KPNA1: variants seen among roughly 807,000 people sequenced by gnomAD.
The protein encoded by KPNA1 is karyopherin subunit alpha 1, also known as importin subunit alpha-5.
KPNA1 carries 10 observed loss-of-function variants against 70.5 expected under a neutral mutation model. That is an observed-to-expected ratio of 0.14 (90% CI 0.09 to 0.24). KPNA1 has a LOEUF of 0.24. Among genes scored for constraint, KPNA1 ranks in the 10% least tolerant of loss-of-function variants. KPNA1 has a pLI of 1.00. For missense variants in KPNA1, 397 were observed against 637.9 expected (o/e 0.62, Z 4.07); for synonymous variants, 192 against 221.9 (o/e 0.87, Z 1.20).
At chr3:122,452,550 G>GA (rs1167668929) in intron 6 of KPNA1, among the ~76,000 whole-genome samples, 2 of 54,172 alleles carry the variant, frequency 3.7e-5, no homozygotes, top group African/African-American at 7.7e-5. Flanking sequence ...GGGAAGGAGG[G>GA]AGGGAGGGAG....
chr3:122,475,361 AAATG>A (rs1450911304), intron 2 of KPNA1, among the ~76,000 whole-genome samples: 3 of 152,236 alleles, frequency 2.0e-5, no homozygotes, highest in African/African-American at 7.2e-5. Flanking sequence ...AAATTGAAAT[AAATG>A]AATGGAAAGA....
intron 1 of KPNA1, among the ~76,000 whole-genome samples, chr3:122,501,846 T>C (rs2076832852): frequency 6.6e-6 from 1 of 152,200 alleles, no homozygotes; most frequent in African/African-American, 2.4e-5. Context: ...TACTGAATTC[T>C]CTGTTTCTGT....
chr3:122,428,370 T>C (rs2075851449), intron 12 of KPNA1, among the ~76,000 whole-genome samples: 1 of 152,228 alleles, frequency 6.6e-6, no homozygotes, highest in South Asian at 2.1e-4. Context: ...TCCAGTTGCA[T>C]TATGTGAATG....
intron 5 of KPNA1, chr3:122,457,734 A>G (rs2076279502): frequency 7.8e-7 from 1 of 1,288,274 alleles, no homozygotes; most frequent in South Asian, 1.2e-5. Context: ...ACCTCCTATC[A>G]AGTTTCCCAC....
intron 1 of KPNA1, among the ~76,000 whole-genome samples, chr3:122,506,412 T>TG (rs2076891063): frequency 6.6e-6 from 1 of 152,224 alleles, no homozygotes; most frequent in African/African-American, 2.4e-5. Context: ...ATATAAATTA[T>TG]TGATGTTAAC....
At chr3:122,477,351 G>A (rs2076514027) in intron 2 of KPNA1, among the ~76,000 whole-genome samples, 1 of 152,276 alleles carries the variant, frequency 6.6e-6, no homozygotes, top group South Asian at 2.1e-4. Flanking sequence ...GAGATCTATT[G>A]TACAACATGG....
chr3:122,461,353 C>CT, intron 4 of KPNA1, 35 bp from the exon 5 acceptor site: 1 of 1,447,654 alleles, frequency 6.9e-7, no homozygotes, highest in Non-Finnish European at 9.6e-7. Flanking sequence ...AAAAAAAATC[C>CT]TTTGATTTCA....
At chr3:122,496,348 A>ACACACACACACACACC (rs958829617) in intron 2 of KPNA1, 89 bp downstream of exon 2, 7 of 1,193,666 alleles carry the variant, frequency 5.9e-6, no homozygotes, top group African/African-American at 4.6e-5. Flanking sequence ...ACACACACAC[A>ACACACACACACACACC]CCCCAACTTT....
At position 122,423,358 on chromosome 3, in the gene KPNA1, A is replaced by G. The variant is rs1045576967; in HGVS notation, c.*3627T>C. ...GTATATAGGCATACCTGTGTCTGCA[A>G]ATGAGCACATTTTGGAACGTAGGAG... On this transcript the variant is annotated 3_prime_UTR_variant, in exon 14 of 14. Transcript: ENST00000344337. 6.6e-6 allele frequency: 1 copy of G among 152,204 alleles called. No individual in the cohort carries two copies. Among genetic ancestry groups the G allele is most frequent in the African/African-American group, 2.4e-5 (1 of 41,452 alleles). 9.4% of individuals were successfully genotyped at this position (152,204 alleles called of 1,614,324 possible).
chr3:122,467,502 G>C, intron 2 of KPNA1, 73 bp from the exon 3 acceptor site: 4 of 817,548 alleles, frequency 4.9e-6, no homozygotes, highest in Non-Finnish European at 7.8e-6. Context: ...CAAATACTAG[G>C]CACCCCATTC....
At chr3:122,438,572 G>C (rs1472110773) in intron 10 of KPNA1, among the ~76,000 whole-genome samples, 1 of 151,994 alleles carries the variant, frequency 6.6e-6, no homozygotes, top group Non-Finnish European at 1.5e-5. Context: ...TTTTAGTAGA[G>C]ACAGGGTTTC....
In KPNA1 at chr3:122,467,373, C is replaced by T. The variant is rs2076392853; in HGVS notation, c.186G>A (p.Met62Ile). The part of the protein sequence containing the change: ...TAEEETEEEV[M>I]SDGGFHEAQI... ...GAGCCTCATGAAAGCCTCCATCTGA[C>T]ATAACTTCTTCTTCTGTTTCTTCTT... The change falls in exon 3 of 14, where the codon ATG (methionine) becomes ATA (isoleucine). Residue 62 changes from methionine (M) to isoleucine (I), a missense_variant. Transcript: ENST00000344337. 6.2e-7 allele frequency: 1 copy of T among 1,610,616 alleles called. No homozygotes were observed. The highest frequency in any genetic ancestry group is 1.3e-5 in the African/African-American group (1 of 74,852).
chr3:122,453,459 T>TTA (rs2076233089), intron 6 of KPNA1, among the ~76,000 whole-genome samples: 1 of 152,222 alleles, frequency 6.6e-6, no homozygotes, highest in South Asian at 2.1e-4. Flanking sequence ...AATCCATAGA[T>TTA]TACCAAAGCC....
intron 2 of KPNA1, among the ~76,000 whole-genome samples, chr3:122,484,101 A>C (rs924978412): frequency 1.3e-5 from 2 of 152,176 alleles, no homozygotes; most frequent in Admixed American, 6.5e-5. Context: ...TGTACTGCAA[A>C]AGATTGAAAA....
intron 8 of KPNA1, 93 bp from the exon 9 acceptor site, chr3:122,449,830 T>C (rs2076180175): frequency 3.0e-6 from 3 of 1,016,398 alleles, no homozygotes; most frequent in Non-Finnish European, 4.3e-6. Context: ...ATGTACTTGG[T>C]GACTTCTAGG....
At chr3:122,492,994 A>G (rs1381148285) in intron 2 of KPNA1, among the ~76,000 whole-genome samples, 2 of 152,088 alleles carry the variant, frequency 1.3e-5, no homozygotes, top group East Asian at 3.8e-4. Context: ...TTGTGTAACT[A>G]TAACATATCA....
chr3:122,479,322 AC>A (rs2076543436), intron 2 of KPNA1, among the ~76,000 whole-genome samples: 1 of 152,208 alleles, frequency 6.6e-6, no homozygotes, highest in Non-Finnish European at 1.5e-5. Flanking sequence ...ACCACTACCT[AC>A]CTATCAGAAT....
intron 4 of KPNA1, among the ~76,000 whole-genome samples, chr3:122,463,642 TAAAA>T (rs1204562568): frequency 1.3e-5 from 2 of 151,854 alleles, no homozygotes; most frequent in Admixed American, 6.6e-5. Context: ...AGTCACTCTA[TAAAA>T]AAAAGTCAGT....
At chr3:122,451,314 T>A (rs1163898121) in intron 8 of KPNA1, among the ~76,000 whole-genome samples, 3 of 152,230 alleles carry the variant, frequency 2.0e-5, no homozygotes, top group Non-Finnish European at 1.5e-5. Context: ...TTATTTGCAG[T>A]CCCATCGTAA....
Sources: allele counts gnomAD v4.1 joint callset (sites outside exome capture counted in the v4.1 genomes callset), GRCh38; gene constraint gnomAD v4.1.1; transcripts MANE v1.5; gene names NCBI Gene and HGNC (gene_info 2026-07-23, HGNC 2026-07-21).